The following FYB1 variants were observed in gnomAD, a reference collection of about 807,000 sequenced individuals.
FYB1 encodes the protein FYN binding protein 1.
Under a neutral mutation model 94.1 loss-of-function variants are expected in FYB1, and 41 were observed. The observed-to-expected ratio is 0.44, with a 90% CI of 0.34 to 0.57. The LOEUF is 0.57. FYB1 is among the 20% of genes least tolerant of loss of function. The pLI is 0.02. For synonymous variants in FYB1, 367 were observed against 353.2 expected, an observed-to-expected ratio of 1.04 and a Z score of -0.44; for missense variants, 1,050 against 976.8, an observed-to-expected ratio of 1.07 and a Z score of -1.00.
At chr5:39,259,745 C>A (rs1051686593) in intron 1 of FYB1, among the ~76,000 whole-genome samples, 1 of 151,926 alleles carries the variant, frequency 6.6e-6, no homozygotes, top group African/African-American at 2.4e-5. Context: ...ATATTTAAAA[C>A]AAAAACATGC....
rs56376626 is a variant in FYB1, at chr5:39,121,183, CAA to C, written c.2138+1151_2138+1152del. 5.1e-3 allele frequency among the ~76,000 whole-genome samples: 297 copies of C among 57,684 alleles called. 1 individual carries two copies. The highest frequency in any genetic ancestry group is 0.015 in the African/African-American group (256 of 16,616). 37.8% of individuals were successfully genotyped at this position (57,684 alleles called of 152,430 possible). A position where few individuals can be genotyped will look rare whatever the true frequency, so the allele number is the denominator to read the frequency against. On this transcript the variant is annotated intron_variant, in intron 14 of 18. Transcript: ENST00000512982. ...GAATGTGATGTACAGTAATGTAAAG[CAA>C]AAAAAAAAAAAAAAAAAAAAGCATT... is the stretch of plus-strand genomic sequence containing the variant.
chr5:39,254,228 G>A (rs1329168388), intron 1 of FYB1, among the ~76,000 whole-genome samples: 2 of 152,166 alleles, frequency 1.3e-5, no homozygotes, highest in Non-Finnish European at 2.9e-5. Flanking sequence ...GGATTGCTGA[G>A]TTGAATGGTA....
intron 6 of FYB1, 128 bp from the exon 7 acceptor site, chr5:39,137,848 A>G (rs1262226404): frequency 5.6e-6 from 7 of 1,239,412 alleles, no homozygotes; most frequent in Non-Finnish European, 6.7e-6. Context: ...TAAAAAGCGA[A>G]AGGTTGTCAA....
At chr5:39,218,156 C>A (rs1750021186) in intron 1 of FYB1, among the ~76,000 whole-genome samples, 3 of 152,206 alleles carry the variant, frequency 2.0e-5, no homozygotes, top group Non-Finnish European at 4.4e-5. Flanking sequence ...ACAATAATTT[C>A]TCAAGGGAAA....
intron 16 of FYB1, among the ~76,000 whole-genome samples, chr5:39,118,579 G>A (rs571098570): frequency 2.6e-5 from 4 of 152,228 alleles, no homozygotes; most frequent in Non-Finnish European, 4.4e-5. Flanking sequence ...TAATACACAC[G>A]CAAGGGCTTT....
At chr5:39,137,295 A>G (rs1442734341) in intron 7 of FYB1, 1 of 249,314 alleles carries the variant, frequency 4.0e-6, no homozygotes, top group Non-Finnish European at 7.7e-6. Context: ...GTAGGCTAAT[A>G]TGAAATGCAT....
At chr5:39,177,258 T>A (rs985220263) in intron 2 of FYB1, among the ~76,000 whole-genome samples, 6 of 152,206 alleles carry the variant, frequency 3.9e-5, no homozygotes, top group Non-Finnish European at 8.8e-5. Context: ...TTGTTTCTGT[T>A]GCTGCCTTCT....
Position 39,126,134 on chromosome 5 carries a change from A to G in FYB1, c.1909T>C (p.Ser637Pro). The change falls in exon 12 of 19, where the codon TCC becomes CCC. Residue 637 changes from serine (S) to proline (P), a missense_variant and splice_region_variant. Transcript: ENST00000512982. ...CTCTTCTCTTGAACCTGTAGTGTGG[A>G]GCTTTGGAGCATGCAGGCATTGATC... ...GIEEEDADDG[S>P]TLQVQEKSNT... 3 of 1,613,034 alleles carry G rather than the reference A, an allele frequency of 1.9e-6. No homozygotes were observed. The highest frequency in any genetic ancestry group is 2.5e-6 in the Non-Finnish European group (3 of 1,179,468).
intron 1 of FYB1, among the ~76,000 whole-genome samples, chr5:39,203,653 C>A (rs1039420525): frequency 6.6e-6 from 1 of 152,006 alleles, no homozygotes. Flanking sequence ...TACTAGCAGG[C>A]GATTGTACTC....
At chr5:39,269,049 T>C (rs903679614) in intron 1 of FYB1, among the ~76,000 whole-genome samples, 5 of 151,974 alleles carry the variant, frequency 3.3e-5, no homozygotes, top group Non-Finnish European at 4.4e-5. Context: ...TTTTCTTTTC[T>C]TTTCTTTTTT....
At chr5:39,176,009 G>A (rs977393982) in intron 2 of FYB1, among the ~76,000 whole-genome samples, 11 of 151,994 alleles carry the variant, frequency 7.2e-5, no homozygotes, top group Non-Finnish European at 1.3e-4. Flanking sequence ...TCCAGGGGCC[G>A]GTACAGAGCA....
At chr5:39,153,270 G>T (rs1418992143) in intron 3 of FYB1, among the ~76,000 whole-genome samples, 178 bp downstream of exon 3, 1 of 152,170 alleles carries the variant, frequency 6.6e-6, no homozygotes, top group Non-Finnish European at 1.5e-5. Flanking sequence ...CAATTCTAGG[G>T]GTATTTGCAC....
chr5:39,235,510 T>A (rs140287972), intron 1 of FYB1, among the ~76,000 whole-genome samples: 21 of 152,126 alleles, frequency 1.4e-4, no homozygotes, highest in Admixed American at 1.4e-3. Context: ...TTCAGCAGAA[T>A]TCATAAAATG....
intron 9 of FYB1, among the ~76,000 whole-genome samples, chr5:39,132,420 T>C (rs1233258251): frequency 6.6e-6 from 1 of 152,198 alleles, no homozygotes; most frequent in Non-Finnish European, 1.5e-5. Flanking sequence ...ATTTTCTTAG[T>C]AAGGGTGCAT....
rs562502809 is a variant in FYB1, at chr5:39,153,299, G to A, written c.1292+149C>T. The A allele has an allele frequency of 5.7e-4, 524 of 914,444 alleles. 1 individual carries two copies. In the African/African-American group the frequency reaches 7.9e-3, roughly 14 times the overall value. The allele number at this position is 914,444 out of a possible 1,614,324, so 56.6% of individuals were successfully genotyped here. On this transcript the variant is annotated intron_variant, in intron 3 of 18. Transcript: ENST00000512982. The stretch of plus-strand genomic sequence containing the variant: ...TTTGCACTGCCAGCTTGGCCAGCTC[G>A]GCCAGCTCAGCCAGCTCTTCTCCCT...
rs138708924 is a variant in FYB1 at position 39,111,807 on chromosome 5, CAT to C, written c.2402-1420_2402-1419del. ...CTAGGAAAGTAGGAAAGTAATGAAACATGTGTCAAGATAATAAAAGCACAATA... is the reference window on the plus strand; with the variant it reads ...CTAGGAAAGTAGGAAAGTAATGAAACGTGTCAAGATAATAAAAGCACAATA... On this transcript the variant is annotated intron_variant, in intron 16 of 18. Coordinates refer to ENST00000512982, the MANE Select transcript of FYB1 (RefSeq NM_001465.6). Among the ~76,000 whole-genome samples the C allele has an allele frequency of 3.0e-3, 453 of 151,824 alleles. 15 individuals are homozygous for C. In the East Asian group the frequency reaches 0.073, roughly 24 times the overall value.
At chr5:39,130,494 T>C in intron 10 of FYB1, 96 bp downstream of exon 10, 1 of 946,126 alleles carries the variant, frequency 1.1e-6, no homozygotes, top group Non-Finnish European at 1.7e-6. Context: ...ACAATACACA[T>C]TCTATGCATG....
At chr5:39,255,800 A>G (rs915313390) in intron 1 of FYB1, among the ~76,000 whole-genome samples, 10 of 152,202 alleles carry the variant, frequency 6.6e-5, no homozygotes, top group Non-Finnish European at 1.5e-4. Context: ...AGATAAATCC[A>G]GTGGGTCTAT....
At chr5:39,130,888 G>A (rs1472836169) in intron 9 of FYB1, among the ~76,000 whole-genome samples, 1 of 152,074 alleles carries the variant, frequency 6.6e-6, no homozygotes, top group Non-Finnish European at 1.5e-5. Flanking sequence ...TGACATTTTT[G>A]TATGAGGTTG....
Sources: gnomAD v4.1 joint callset for allele counts (sites outside exome capture counted in the v4.1 genomes callset) on GRCh38, gnomAD v4.1.1 for gene constraint, MANE v1.5 for transcripts, NCBI Gene and HGNC (gene_info 2026-07-23, HGNC 2026-07-21) for gene names.